CDH12: variants seen among roughly 807,000 people sequenced by gnomAD.
The protein encoded by CDH12 is cadherin-12.
CDH12 carries 41 observed loss-of-function variants against 74.1 expected under a neutral mutation model. That is an observed-to-expected ratio of 0.55 (90% confidence interval 0.43 to 0.72). The LOEUF is 0.72. CDH12 is among the 30% of genes least tolerant of loss of function. CDH12 has a pLI of 0.00. For synonymous variants in CDH12, 399 were observed against 355.0 expected (o/e 1.12, Z -1.39); for missense variants, 945 against 977.2 (o/e 0.97, Z 0.44).
chr5:22,218,020 T>C (rs1456037989), intron 3 of CDH12, among the ~76,000 whole-genome samples: 2 of 151,664 alleles, frequency 1.3e-5, no homozygotes, highest in Non-Finnish European at 3.0e-5. Context: ...ATTTAATTAT[T>C]TAACAAGTTA....
intron 3 of CDH12, among the ~76,000 whole-genome samples, chr5:22,352,043 T>A (rs760591356): frequency 6.6e-6 from 1 of 152,150 alleles, no homozygotes; most frequent in South Asian, 2.1e-4. Context: ...CTTTATAAAT[T>A]AATAACATTT....
intron 1 of CDH12, among the ~76,000 whole-genome samples, chr5:22,831,085 T>A (rs1461186101): frequency 6.6e-6 from 1 of 151,996 alleles, no homozygotes; most frequent in Non-Finnish European, 1.5e-5. Flanking sequence ...CAAGAATAAA[T>A]CAGTTCCTAC....
intron 4 of CDH12, among the ~76,000 whole-genome samples, chr5:22,196,142 A>G (rs1165369174): frequency 7.1e-6 from 1 of 141,130 alleles, no homozygotes; most frequent in African/African-American, 2.6e-5. Flanking sequence ...TTCTATCTGC[A>G]TGTAATTTTT....
chr5:22,153,872 G>GCA (rs1747794002), intron 4 of CDH12, among the ~76,000 whole-genome samples: 1 of 123,504 alleles, frequency 8.1e-6, no homozygotes, highest in Non-Finnish European at 1.6e-5. Context: ...ATATATATAT[G>GCA]TATATATATA....
At position 22,045,579 on chromosome 5, in the gene CDH12, AC is replaced by A. The variant is rs564353671; in HGVS notation, c.231+32866del. 3.8e-3 allele frequency among the ~76,000 whole-genome samples: 574 copies of A among 150,886 alleles called. 8 individuals carry two copies. Among genetic ancestry groups the A allele is most frequent in the African/African-American group, 0.013 (538 of 40,728 alleles). ...AGGGTAAAGAAAATATGATATATAT[AC>A]AAAAATGGTACACTATTCAGCCAAA... is the stretch of plus-strand genomic sequence containing the variant. On this transcript the variant is annotated intron_variant, in intron 5 of 14. Coordinates refer to ENST00000382254, the MANE Select transcript of CDH12 (RefSeq NM_004061.5).
chr5:22,770,342 T>C (rs775641871), intron 1 of CDH12, among the ~76,000 whole-genome samples: 1 of 152,134 alleles, frequency 6.6e-6, no homozygotes, highest in Non-Finnish European at 1.5e-5. Flanking sequence ...GACTCCTCTT[T>C]TTATCAATGT....
At chr5:22,416,465 A>T (rs1300747319) in intron 2 of CDH12, among the ~76,000 whole-genome samples, 1 of 152,184 alleles carries the variant, frequency 6.6e-6, no homozygotes, top group Non-Finnish European at 1.5e-5. Flanking sequence ...CAGAAAGAGA[A>T]GGATGAGTTA....
intron 6 of CDH12, among the ~76,000 whole-genome samples, chr5:21,867,662 T>C (rs531755184): frequency 1.3e-5 from 2 of 152,348 alleles, no homozygotes; most frequent in South Asian, 2.1e-4. Flanking sequence ...CCAATGCCTA[T>C]ATCCCCATTG....
chr5:22,248,868 T>C (rs1753044865), intron 3 of CDH12, among the ~76,000 whole-genome samples: 1 of 152,030 alleles, frequency 6.6e-6, no homozygotes, highest in Non-Finnish European at 1.5e-5. Flanking sequence ...ATCATTTATA[T>C]TACAAATAAA....
chr5:22,141,620 G>A (rs3020549), intron 4 of CDH12, among the ~76,000 whole-genome samples: 22,954 of 152,040 alleles, frequency 0.15, 2,042 homozygotes, highest in African/African-American at 0.25. Context: ...GAAGCCATAA[G>A]CAAGGCAGCA....
intron 8 of CDH12, among the ~76,000 whole-genome samples, chr5:21,833,377 TTA>T (rs1207017856): frequency 7.6e-5 from 7 of 92,504 alleles, no homozygotes; most frequent in Admixed American, 1.8e-4. Flanking sequence ...TATAGTATAA[TTA>T]TATATAATTA....
intron 6 of CDH12, among the ~76,000 whole-genome samples, chr5:21,863,670 T>A (rs111487343): frequency 2.5e-4 from 38 of 152,320 alleles, no homozygotes; most frequent in African/African-American, 9.1e-4. Flanking sequence ...TTGGGGGTTC[T>A]GCTGATATTG....
intron 1 of CDH12, among the ~76,000 whole-genome samples, chr5:22,792,732 C>G (rs576140308): frequency 6.6e-5 from 10 of 152,146 alleles, no homozygotes; most frequent in Non-Finnish European, 1.5e-4. Context: ...TGATCAAATA[C>G]AATCTCTGAC....
rs377509777 is a variant in CDH12, at chr5:21,938,326, C to T, written c.526+36765G>A. 9.2e-5 allele frequency among the ~76,000 whole-genome samples: 14 copies of T among 152,092 alleles called. 1 individual carries two copies. The highest frequency in any genetic ancestry group is 5.8e-4 in the East Asian group (3 of 5,182). ...TATCTGTCAGACCTCATTTAAAACA[C>T]AGAGGTCATGAAGATAAATCTGGCT... On this transcript the variant is annotated intron_variant, in intron 6 of 14. Coordinates refer to ENST00000382254, the MANE Select transcript of CDH12 (RefSeq NM_004061.5).
intron 6 of CDH12, among the ~76,000 whole-genome samples, chr5:21,890,172 T>C (rs1752834462): frequency 6.6e-6 from 1 of 152,152 alleles, no homozygotes. Context: ...CTTTCTTTTG[T>C]CAGGATCTTA....
At chr5:22,393,731 C>A (rs756087509) in intron 3 of CDH12, among the ~76,000 whole-genome samples, 3 of 151,976 alleles carry the variant, frequency 2.0e-5, no homozygotes, top group Non-Finnish European at 4.4e-5. Context: ...GTCTCTAATG[C>A]CTTGGAGAAT....
chr5:22,483,748 C>CTATATATATATATA (rs573933210), intron 2 of CDH12, among the ~76,000 whole-genome samples: 569 of 22,784 alleles, frequency 0.025, 179 homozygotes, highest in Middle Eastern at 0.048. Flanking sequence ...TCTTTCAAAA[C>CTATATATATATATA]TATATATATA....
At chr5:21,902,900 G>T (rs1214604571) in intron 6 of CDH12, among the ~76,000 whole-genome samples, 1 of 152,060 alleles carries the variant, frequency 6.6e-6, no homozygotes, top group Non-Finnish European at 1.5e-5. Flanking sequence ...ATGGAAGAAT[G>T]ATAAGACGAA....
chr5:22,670,242 C>A (rs1439108059), intron 1 of CDH12, among the ~76,000 whole-genome samples: 1 of 152,092 alleles, frequency 6.6e-6, no homozygotes, highest in African/African-American at 2.4e-5. Flanking sequence ...TGGTCTCAAA[C>A]TCCTGGCCTC....
Sources: allele counts gnomAD v4.1 joint callset (sites outside exome capture counted in the v4.1 genomes callset), GRCh38; gene constraint gnomAD v4.1.1; transcripts MANE v1.5; gene names NCBI Gene and HGNC (gene_info 2026-07-23, HGNC 2026-07-21).